The following SUGCT variants were observed in gnomAD, a reference collection of about 807,000 sequenced individuals.
SUGCT encodes succinyl-CoA:glutarate CoA-transferase.
Under a neutral mutation model 55.0 loss-of-function variants are expected in SUGCT, and 41 were observed. That is an observed-to-expected ratio of 0.74 (90% CI 0.58 to 0.97). The LOEUF (loss-of-function observed/expected upper bound fraction) is 0.97, where lower values mean the gene tolerates loss of function less well. SUGCT is among the 50% of genes least tolerant of loss of function. The probability of loss-of-function intolerance (pLI) is 0.00; values close to 1 mark genes in which losing one functional copy is unlikely to be tolerated. For missense variants in SUGCT, 568 were observed against 547.8 expected (o/e 1.04, Z -0.37); for synonymous variants, 187 against 200.4 (o/e 0.93, Z 0.56).
intron 9 of SUGCT, among the ~76,000 whole-genome samples, chr7:40,425,891 A>G (rs1787562675): frequency 6.6e-6 from 1 of 152,150 alleles, no homozygotes; most frequent in Admixed American, 6.6e-5. Flanking sequence ...TTGTTAATGA[A>G]TGCTTGGGGA....
chr7:40,395,075 A>G (rs760315063), intron 9 of SUGCT, among the ~76,000 whole-genome samples: 27 of 152,230 alleles, frequency 1.8e-4, no homozygotes, highest in Non-Finnish European at 3.8e-4. Context: ...TAGAAAATGC[A>G]CAAACCATTT....
At chr7:40,997,450 G>T in the SUGCT span, among the ~76,000 whole-genome samples, 1 of 152,052 alleles carries the variant, frequency 6.6e-6, no homozygotes, top group Non-Finnish European at 1.5e-5. Flanking sequence ...GCTCTTTCCT[G>T]CCTAACATTC....
intron 12 of SUGCT, among the ~76,000 whole-genome samples, chr7:40,579,431 C>G (rs1033448388): frequency 6.6e-6 from 1 of 152,132 alleles, no homozygotes; most frequent in Non-Finnish European, 1.5e-5. Context: ...CTTTCACCCC[C>G]ACACGTCAGG....
At position 40,193,367 on chromosome 7, in the gene SUGCT, C is replaced by T. The variant is rs554125169; in HGVS notation, c.364-1573C>T. On this transcript the variant is annotated intron_variant, in intron 5 of 13. Transcript: ENST00000335693. The stretch of plus-strand genomic sequence containing the variant: ...GCAGCACGATCTTGGCTCACTGCAC[C>T]TCCACCTCCTGGGTTCAAGTGATTC... 1.5e-4 allele frequency among the ~76,000 whole-genome samples: 22 copies of T among 147,574 alleles called. No individual in the cohort carries two copies. In the South Asian group the frequency reaches 4.4e-3, roughly 30 times the overall value.
the SUGCT span, among the ~76,000 whole-genome samples, chr7:40,892,288 C>CT: frequency 3.3e-5 from 5 of 152,160 alleles, no homozygotes; most frequent in African/African-American, 1.2e-4. Flanking sequence ...TTAAAATTGG[C>CT]TTTTATAGCT....
intron 9 of SUGCT, among the ~76,000 whole-genome samples, chr7:40,346,691 G>A (rs950466587): frequency 1.3e-5 from 2 of 152,138 alleles, no homozygotes; most frequent in Non-Finnish European, 2.9e-5. Context: ...ACATACTGTA[G>A]CCTGTATTTG....
the SUGCT span, among the ~76,000 whole-genome samples, chr7:40,901,395 G>T: frequency 1.3e-5 from 2 of 152,156 alleles, no homozygotes; most frequent in African/African-American, 4.8e-5. Context: ...GAATTTCCCG[G>T]GAGCCTGGCC....
At chr7:40,178,550 G>T (rs1529066) in intron 1 of SUGCT, among the ~76,000 whole-genome samples, 2 of 147,894 alleles carry the variant, frequency 1.4e-5, no homozygotes, top group African/African-American at 2.5e-5. Context: ...AATTTTAAGG[G>T]TTTTTTTTTT....
At chr7:40,699,467 C>T (rs1373136698) in intron 12 of SUGCT, among the ~76,000 whole-genome samples, 1 of 152,208 alleles carries the variant, frequency 6.6e-6, no homozygotes, top group East Asian at 1.9e-4. Context: ...TTGGCTTGCT[C>T]ATTTGTAAAC....
At chr7:40,138,019 TA>T (rs1787786276) in intron 1 of SUGCT, among the ~76,000 whole-genome samples, 1 of 152,012 alleles carries the variant, frequency 6.6e-6, no homozygotes, top group African/African-American at 2.4e-5. Flanking sequence ...TTCATGGGGG[TA>T]CAAGTGCAGT....
chr7:40,967,024 T>G, the SUGCT span: 1 of 152,204 alleles, frequency 6.6e-6, no homozygotes, highest in Admixed American at 6.5e-5. Context: ...TTTGAAAAAT[T>G]TGATGCTTAC....
At chr7:40,348,362 G>A (rs552024580) in intron 9 of SUGCT, among the ~76,000 whole-genome samples, 1 of 151,762 alleles carries the variant, frequency 6.6e-6, no homozygotes, top group Non-Finnish European at 1.5e-5. Flanking sequence ...AAATGGTAAG[G>A]GTTTACAAAA....
Position 40,525,191 on chromosome 7 carries a change from C to T in SUGCT, c.1089+28805C>T, listed in dbSNP as rs183156913. On this transcript the variant is annotated intron_variant, in intron 12 of 13. Coordinates refer to ENST00000335693, the MANE Select transcript of SUGCT (RefSeq NM_001193313.2). Reference sequence around the variant, plus strand: ...TTCTCTGCTTTAATGCCTATTCTCACGTTGGCATTTTGCATCAATCACTGT... The same window carrying T: ...TTCTCTGCTTTAATGCCTATTCTCATGTTGGCATTTTGCATCAATCACTGT... Among the ~76,000 whole-genome samples, 20 of 152,214 alleles carry T rather than the reference C, an allele frequency of 1.3e-4. No individual in the cohort carries two copies. In the East Asian group the frequency reaches 3.1e-3, roughly 24 times the overall value.
At chr7:40,142,343 C>T (rs1409646629) in intron 1 of SUGCT, among the ~76,000 whole-genome samples, 1 of 152,220 alleles carries the variant, frequency 6.6e-6, no homozygotes, top group Non-Finnish European at 1.5e-5. Flanking sequence ...TCATATCTAA[C>T]ATTCTGTCCT....
chr7:40,861,042 C>T (rs1255427647), downstream of SUGCT, among the ~76,000 whole-genome samples: 1 of 152,158 alleles, frequency 6.6e-6, no homozygotes, highest in Non-Finnish European at 1.5e-5. Context: ...TGCGGATGTC[C>T]ATTATAAAAC....
At chr7:40,939,183 G>A in the SUGCT span, among the ~76,000 whole-genome samples, 3 of 152,144 alleles carry the variant, frequency 2.0e-5, no homozygotes, top group Non-Finnish European at 4.4e-5. Flanking sequence ...GTCTTACTTG[G>A]ATGGCAGCAG....
At chr7:40,295,008 C>T (rs528900965) in intron 8 of SUGCT, among the ~76,000 whole-genome samples, 6 of 152,102 alleles carry the variant, frequency 3.9e-5, no homozygotes, top group African/African-American at 4.8e-5. Context: ...TATTAGTGTA[C>T]GTGCAAATCA....
chr7:40,295,486 G>A (rs376634308), intron 8 of SUGCT, among the ~76,000 whole-genome samples: 14 of 152,266 alleles, frequency 9.2e-5, no homozygotes, highest in African/African-American at 2.6e-4. Flanking sequence ...TGAGGCAGGC[G>A]AATCACTTGA....
chr7:40,314,108 C>A (rs925695815), intron 8 of SUGCT, among the ~76,000 whole-genome samples: 7 of 152,072 alleles, frequency 4.6e-5, no homozygotes, highest in African/African-American at 1.7e-4. Context: ...ACACAGAAGT[C>A]AAAAATTGAA....
Sources: allele counts gnomAD v4.1 joint callset (sites outside exome capture counted in the v4.1 genomes callset), GRCh38; gene constraint gnomAD v4.1.1; transcripts MANE v1.5; gene names NCBI Gene and HGNC (gene_info 2026-07-23, HGNC 2026-07-21).